The following OCIAD1 variants were observed in gnomAD, a reference collection of about 807,000 sequenced individuals.
The protein encoded by OCIAD1 is OCIA domain-containing protein 1.
In OCIAD1, 29 loss-of-function variants were observed where a neutral mutation model predicts 38.9. The ratio of observed to expected loss-of-function variants is 0.74; its 90% CI spans 0.55 to 1.02. The LOEUF is 1.02. Ranked by LOEUF, OCIAD1 falls within the 50% of genes least tolerant of loss-of-function variation. OCIAD1 has a pLI of 0.00. For synonymous variants in OCIAD1, 110 were observed against 92.0 expected (o/e 1.20, Z -1.12); for missense variants, 288 against 289.6 (o/e 0.99, Z 0.04).
upstream of OCIAD1, among the ~76,000 whole-genome samples, chr4:48,828,876 C>T (rs1777280154): frequency 6.6e-6 from 1 of 152,224 alleles, no homozygotes; most frequent in Admixed American, 6.5e-5. Context: ...ATTTAGGACA[C>T]ACTATGTGTT....
chr4:48,860,630 G>C lies in OCIAD1; in HGVS notation c.701-95G>C, dbSNP rs1780516060. On this transcript the variant is annotated intron_variant, in intron 8 of 8. Transcript: ENST00000264312. Reference sequence around the variant, plus strand: ...CTCATGTGCTTTTATTCAAATGAGAGAGAAACATAACTTTTCATCATAGCA... The same window carrying C: ...CTCATGTGCTTTTATTCAAATGAGACAGAAACATAACTTTTCATCATAGCA... 4.2e-6 allele frequency: 4 copies of C among 951,486 alleles called. No homozygotes were observed. The Admixed American group carries it at 7.7e-5, about 18-fold the overall frequency. The allele number at this position is 951,486 out of a possible 1,614,324, so 58.9% of individuals were successfully genotyped here.
chr4:48,831,485 C>T (rs1479364651), intron 1 of OCIAD1: 2 of 1,290,184 alleles, frequency 1.6e-6, no homozygotes, highest in Non-Finnish European at 2.0e-6. Context: ...GCTGCTCAGT[C>T]TGTAACGGCA....
Position 48,857,217 on chromosome 4 carries a change from T to G in OCIAD1, c.552T>G (p.Pro184=). 6.5e-7 allele frequency: 1 copy of G among 1,530,904 alleles called. No homozygotes were observed. The highest frequency in any genetic ancestry group is 8.8e-7 in the Non-Finnish European group (1 of 1,140,740). The allele number at this position is 1,530,904 out of a possible 1,614,324, so 94.8% of individuals were successfully genotyped here. A position where few individuals can be genotyped will look rare whatever the true frequency, so the allele number is the denominator to read the frequency against. Residue 184 remains proline (P), a synonymous_variant, in exon 8 of 9, where the codon CCT becomes CCG. Coordinates refer to ENST00000264312, the MANE Select transcript of OCIAD1 (RefSeq NM_017830.4). ...ATTAACTGTTTGTTGTTTTAGGACCTGATCCCAACCTTGAAGAAAGTCCTA... is the reference window on the plus strand; with the variant it reads ...ATTAACTGTTTGTTGTTTTAGGACCGGATCCCAACCTTGAAGAAAGTCCTA... ...TGITDHIVQG[P]DPNLEESPKR...
At chr4:48,827,627 T>C (rs1777263706), upstream of OCIAD1, among the ~76,000 whole-genome samples, 1 of 152,262 alleles carries the variant, frequency 6.6e-6, no homozygotes, top group Non-Finnish European at 1.5e-5. Flanking sequence ...GACAGTTTAC[T>C]TGAATGTTTT....
chr4:48,809,639 C>A (rs1777065392), intron 1 of OCIAD1, among the ~76,000 whole-genome samples: 1 of 152,140 alleles, frequency 6.6e-6, no homozygotes, highest in Non-Finnish European at 1.5e-5. Context: ...CTCTTATCAC[C>A]TTCTCTCTGC....
intron 1 of OCIAD1, among the ~76,000 whole-genome samples, chr4:48,809,898 G>A (rs925506425): frequency 6.6e-6 from 1 of 152,136 alleles, no homozygotes; most frequent in Admixed American, 6.6e-5. Context: ...GCAGACTTAA[G>A]TACTTAACTA....
intron 3 of OCIAD1, among the ~76,000 whole-genome samples, chr4:48,837,942 C>T (rs1486376322): frequency 6.6e-6 from 1 of 152,102 alleles, no homozygotes; most frequent in African/African-American, 2.4e-5. Context: ...ATACCAGACT[C>T]TTAATAGTGG....
intron 8 of OCIAD1, among the ~76,000 whole-genome samples, chr4:48,857,809 G>A (rs376200489): frequency 4.6e-5 from 7 of 152,208 alleles, no homozygotes; most frequent in African/African-American, 1.4e-4. Flanking sequence ...CACCGTGTCC[G>A]GCCAGTTTTC....
rs752322755 is a variant in OCIAD1 at position 48,833,448 on chromosome 4, G to A, written c.106G>A (p.Ala36Thr). Reference sequence around the variant, plus strand: ...AACAGAGGAAGAAAGGAGAGTCTTCGCAGAATGCAATGATGAAAGCTTCTG... The same window carrying A: ...AACAGAGGAAGAAAGGAGAGTCTTCACAGAATGCAATGATGAAAGCTTCTG... ...IPTEEERRVFAECNDESFWFR... is the reference protein window; with the variant it reads ...IPTEEERRVFTECNDESFWFR... Residue 36 changes from alanine (A) to threonine (T), a missense_variant, in exon 3 of 9, where the codon GCA becomes ACA. Ala to Thr is a moderately conservative substitution (Grantham distance 58, BLOSUM62 0). Transcript: ENST00000264312. 40 of 1,606,830 alleles carry A rather than the reference G, an allele frequency of 2.5e-5. No homozygotes were observed. The Admixed American group carries it at 3.5e-4, about 14-fold the overall frequency.
intron 1 of OCIAD1, among the ~76,000 whole-genome samples, chr4:48,815,880 C>T (rs531683493): frequency 6.6e-6 from 1 of 152,314 alleles, no homozygotes; most frequent in South Asian, 2.1e-4. Flanking sequence ...TTTCAGCTCT[C>T]CCACATAGGT....
intron 7 of OCIAD1, among the ~76,000 whole-genome samples, chr4:48,852,771 C>G: frequency 6.6e-6 from 1 of 151,680 alleles, no homozygotes. Flanking sequence ...TTCCTTCAGT[C>G]TAGTCGGCAG....
rs746187746 is a variant in OCIAD1, at chr4:48,851,835, CAAGT to C, written c.408_411del (p.Ser137Ter). The C allele has an allele frequency of 1.9e-6, 3 of 1,612,292 alleles. No homozygotes were observed. In the African/African-American group the frequency reaches 4.0e-5, roughly 22 times the overall value. On this transcript the variant is annotated frameshift_variant, in exon 7 of 9. Coordinates refer to ENST00000264312, the MANE Select transcript of OCIAD1 (RefSeq NM_017830.4). LOFTEE classifies it high-confidence loss of function. The stretch of plus-strand genomic sequence containing the variant: ...TATTATCAAAAGTCAAAATATGACT[CAAGT>C]GTGAGTGGTCAATCATCTTTTGTGA...
intron 1 of OCIAD1, 95 bp from the exon 2 acceptor site, chr4:48,832,525 G>T (rs1280902291): frequency 3.4e-6 from 3 of 870,248 alleles, no homozygotes; most frequent in Admixed American, 1.8e-5. Flanking sequence ...TGATTGCTGT[G>T]TAGACTAGTA....
chr4:48,841,247 C>A (rs1199832672), intron 3 of OCIAD1, among the ~76,000 whole-genome samples: 1 of 152,220 alleles, frequency 6.6e-6, no homozygotes, highest in East Asian at 1.9e-4. Flanking sequence ...TCTGGCTCTT[C>A]ATAGAACGTG....
In OCIAD1 at chr4:48,860,815, G is replaced by A; in HGVS notation, c.*53G>A. 3 of 1,276,366 alleles carry A rather than the reference G, an allele frequency of 2.4e-6. No homozygotes were observed. Among genetic ancestry groups the A allele is most frequent in the Non-Finnish European group, 3.4e-6 (3 of 876,024 alleles). The allele number at this position is 1,276,366 out of a possible 1,614,324, so 79.1% of individuals were successfully genotyped here. Reference sequence around the variant, plus strand: ...TTTCAACATCCAGCTTCATCTAGGTGGTCATGATTACCTGCATGCTTTGAG... The same window carrying A: ...TTTCAACATCCAGCTTCATCTAGGTAGTCATGATTACCTGCATGCTTTGAG... On this transcript the variant is annotated 3_prime_UTR_variant, in exon 9 of 9. Coordinates refer to ENST00000264312, the MANE Select transcript of OCIAD1 (RefSeq NM_017830.4).
At chr4:48,839,659 T>A (rs1343133234) in intron 3 of OCIAD1, among the ~76,000 whole-genome samples, 1 of 152,122 alleles carries the variant, frequency 6.6e-6, no homozygotes, top group Non-Finnish European at 1.5e-5. Context: ...ATTAGTGTTA[T>A]TATGATTAAT....
chr4:48,823,943 A>T (rs1054024997), intron 1 of OCIAD1, among the ~76,000 whole-genome samples: 1 of 142,882 alleles, frequency 7.0e-6, no homozygotes, highest in Non-Finnish European at 1.5e-5. Flanking sequence ...TTCAGATTAC[A>T]GGAGTGAGCC....
intron 1 of OCIAD1, among the ~76,000 whole-genome samples, chr4:48,810,304 C>T (rs183910896): frequency 2.7e-4 from 41 of 151,766 alleles, no homozygotes; most frequent in African/African-American, 9.4e-4. Context: ...CCCGTCTCTA[C>T]TAAAAACACA....
At chr4:48,812,755 A>G (rs1195192724) in intron 1 of OCIAD1, among the ~76,000 whole-genome samples, 2 of 152,200 alleles carry the variant, frequency 1.3e-5, no homozygotes, top group Non-Finnish European at 2.9e-5. Flanking sequence ...TCTTTCAAGG[A>G]GTTTTGCCAT....
Sources: gnomAD v4.1 joint callset for allele counts (sites outside exome capture counted in the v4.1 genomes callset) on GRCh38, gnomAD v4.1.1 for gene constraint, MANE v1.5 for transcripts, NCBI Gene and HGNC (gene_info 2026-07-23, HGNC 2026-07-21) for gene names.